KHDRBS2: variants seen among roughly 807,000 people sequenced by gnomAD.
The protein encoded by KHDRBS2 is KH RNA binding domain containing, signal transduction associated 2.
KHDRBS2 carries 26 observed loss-of-function variants against 44.3 expected under a neutral mutation model. The ratio of observed to expected loss-of-function variants is 0.59; its 90% confidence interval spans 0.43 to 0.81. KHDRBS2 has a LOEUF of 0.81. Among genes scored for constraint, KHDRBS2 ranks in the 40% least tolerant of loss-of-function variants. KHDRBS2 has a pLI of 0.00. For missense variants in KHDRBS2, 476 were observed against 433.1 expected, an observed-to-expected ratio of 1.10 and a Z score of -0.88; for synonymous variants, 194 against 151.1, an observed-to-expected ratio of 1.28 and a Z score of -2.08.
At chr6:62,271,107 C>A (rs908435682) in intron 1 of KHDRBS2, among the ~76,000 whole-genome samples, 10 of 151,984 alleles carry the variant, frequency 6.6e-5, no homozygotes, top group African/African-American at 2.4e-4. Flanking sequence ...TATGTTTAAC[C>A]TTAAGTATAT....
chr6:62,142,735 T>TA (rs1263040329), intron 2 of KHDRBS2, among the ~76,000 whole-genome samples: 4 of 151,932 alleles, frequency 2.6e-5, no homozygotes, highest in South Asian at 2.1e-4. Flanking sequence ...ATACTTTTTA[T>TA]AAAAAATGTA....
the KHDRBS2 span, among the ~76,000 whole-genome samples, chr6:61,598,979 G>A: frequency 6.6e-6 from 1 of 151,762 alleles, no homozygotes; most frequent in African/African-American, 2.4e-5. Flanking sequence ...TGTCACCCAG[G>A]CTGAAGTGCA....
At chr6:61,578,129 C>G in the KHDRBS2 span, among the ~76,000 whole-genome samples, 1 of 152,048 alleles carries the variant, frequency 6.6e-6, no homozygotes. Flanking sequence ...TTAAAACACT[C>G]AGAGCAAGAG....
intron 6 of KHDRBS2, among the ~76,000 whole-genome samples, chr6:61,894,356 T>A (rs1032584381): frequency 1.6e-4 from 24 of 152,172 alleles, no homozygotes; most frequent in African/African-American, 5.5e-4. Context: ...TTGTTTATAA[T>A]TATTTCTCAT....
At chr6:61,547,278 T>A in the KHDRBS2 span, among the ~76,000 whole-genome samples, 1 of 152,152 alleles carries the variant, frequency 6.6e-6, no homozygotes, top group Non-Finnish European at 1.5e-5. Context: ...TTGAGAAAAT[T>A]GCCAATACAT....
chr6:62,174,514 T>G (rs2150121565), intron 2 of KHDRBS2, among the ~76,000 whole-genome samples: 1 of 151,878 alleles, frequency 6.6e-6, no homozygotes, highest in South Asian at 2.1e-4. Context: ...AAAGAGCATT[T>G]TTATAATTTT....
intron 6 of KHDRBS2, among the ~76,000 whole-genome samples, chr6:61,884,901 AG>A (rs942723016): frequency 6.3e-4 from 96 of 152,180 alleles, no homozygotes; most frequent in African/African-American, 2.2e-3. Flanking sequence ...TTTCCTCTTC[AG>A]GGTGGGATGC....
At chr6:62,207,185 T>C (rs1166772699) in intron 1 of KHDRBS2, among the ~76,000 whole-genome samples, 1 of 152,116 alleles carries the variant, frequency 6.6e-6, no homozygotes, top group Non-Finnish European at 1.5e-5. Context: ...ATCATGTCTA[T>C]GTTAAGAAAA....
intron 7 of KHDRBS2, among the ~76,000 whole-genome samples, chr6:61,701,982 G>A (rs9359612): frequency 0.35 from 53,617 of 151,696 alleles, 10,301 homozygotes; most frequent in East Asian, 0.49. Context: ...TAGAGGTCCT[G>A]GATTTTGGAC....
chr6:61,607,422 C>A, the KHDRBS2 span, among the ~76,000 whole-genome samples: 7 of 138,028 alleles, frequency 5.1e-5, no homozygotes, highest in African/African-American at 1.9e-4. Context: ...TTTTAAAAAA[C>A]AATAAAATAG....
intron 6 of KHDRBS2, among the ~76,000 whole-genome samples, chr6:61,790,238 C>T (rs1366892254): frequency 6.6e-6 from 1 of 151,246 alleles, no homozygotes. Context: ...TGGGTGCTCA[C>T]CAGAGTGCTC....
intron 3 of KHDRBS2, 116 bp from the exon 4 acceptor site, chr6:61,978,328 A>G (rs1773140988): frequency 1.4e-6 from 1 of 701,444 alleles, no homozygotes; most frequent in Non-Finnish European, 2.3e-6. Flanking sequence ...ATTTGCTTCC[A>G]TAATTTTCTC....
intron 3 of KHDRBS2, among the ~76,000 whole-genome samples, chr6:61,990,821 T>C (rs1775993715): frequency 6.6e-6 from 1 of 152,068 alleles, no homozygotes; most frequent in Non-Finnish European, 1.5e-5. Context: ...GTGATTCTCC[T>C]GCCTCAACCT....
At chr6:61,620,828 A>G in the KHDRBS2 span, among the ~76,000 whole-genome samples, 5 of 152,130 alleles carry the variant, frequency 3.3e-5, no homozygotes, top group South Asian at 8.3e-4. Context: ...TTGCTTTGGG[A>G]TCTCCACAGT....
At chr6:62,234,349 T>C (rs1833370080) in intron 1 of KHDRBS2, among the ~76,000 whole-genome samples, 2 of 152,136 alleles carry the variant, frequency 1.3e-5, no homozygotes, top group South Asian at 4.1e-4. Context: ...AATTTTGTTA[T>C]AAAGATTAAG....
At chr6:61,729,351 A>G (rs779775803) in intron 7 of KHDRBS2, among the ~76,000 whole-genome samples, 1 of 152,146 alleles carries the variant, frequency 6.6e-6, no homozygotes, top group Non-Finnish European at 1.5e-5. Flanking sequence ...GGAGAGGATC[A>G]GGAAAAAGAA....
intron 6 of KHDRBS2, among the ~76,000 whole-genome samples, chr6:61,754,225 AG>A (rs1778153042): frequency 6.6e-6 from 1 of 152,190 alleles, no homozygotes; most frequent in African/African-American, 2.4e-5. Context: ...AGACGTTAAA[AG>A]CTGTCTATGT....
At chr6:62,017,188 C>T (rs777698902) in intron 3 of KHDRBS2, among the ~76,000 whole-genome samples, 1 of 152,120 alleles carries the variant, frequency 6.6e-6, no homozygotes, top group Non-Finnish European at 1.5e-5. Flanking sequence ...CTATAGGAGG[C>T]TGTGCCTAGG....
intron 6 of KHDRBS2, among the ~76,000 whole-genome samples, chr6:61,746,043 T>TTTAG (rs1776810389): frequency 6.9e-6 from 1 of 144,834 alleles, no homozygotes; most frequent in African/African-American, 2.5e-5. Context: ...TTTTATTTTA[T>TTTAG]TTTAGTTTAG....
Sources: gnomAD v4.1 joint callset for allele counts (sites outside exome capture counted in the v4.1 genomes callset) on GRCh38, gnomAD v4.1.1 for gene constraint, MANE v1.5 for transcripts, NCBI Gene and HGNC (gene_info 2026-07-23, HGNC 2026-07-21) for gene names.